Variants in SLC38A11 observed in about 807,000 individuals in gnomAD.
SLC38A11 encodes putative sodium-coupled neutral amino acid transporter 11.
A neutral mutation model predicts 49.4 loss-of-function variants in SLC38A11; 51 were observed. That is an observed-to-expected ratio of 1.03 (90% CI 0.83 to 1.30). SLC38A11 has a LOEUF of 1.30. Ranked by LOEUF, SLC38A11 falls within the 50% of genes most tolerant of loss-of-function variation. The pLI is 0.00. For synonymous variants in SLC38A11, 203 were observed against 192.9 expected (o/e 1.05, Z -0.43); for missense variants, 574 against 556.2 (o/e 1.03, Z -0.32).
intron 2 of SLC38A11, among the ~76,000 whole-genome samples, chr2:164,953,618 C>A (rs1688664191): frequency 6.6e-6 from 1 of 151,746 alleles, no homozygotes; most frequent in Non-Finnish European, 1.5e-5. Flanking sequence ...TCAGGTAACT[C>A]CATTTTATGT....
intron 4 of SLC38A11, among the ~76,000 whole-genome samples, 175 bp from the exon 5 acceptor site, chr2:164,944,809 G>A (rs1013587328): frequency 6.6e-6 from 1 of 152,046 alleles, no homozygotes; most frequent in Non-Finnish European, 1.5e-5. Flanking sequence ...GAGATCTATG[G>A]TAGAGTATCA....
At position 164,950,622 on chromosome 2, in the gene SLC38A11, A is replaced by C. The variant is rs10176326; in HGVS notation, c.229+2085T>G. On this transcript the variant is annotated intron_variant, in intron 3 of 11. Coordinates refer to ENST00000685975, the MANE Select transcript of SLC38A11 (RefSeq NM_001351537.2). ...TTAACAAAAGAATTTTCTTTTAAATAATTTTGTATGCTCAGACAATAAAAA... is the reference window on the plus strand; with the variant it reads ...TTAACAAAAGAATTTTCTTTTAAATCATTTTGTATGCTCAGACAATAAAAA... Among the ~76,000 whole-genome samples, 589 of 152,308 alleles carry C rather than the reference A, an allele frequency of 3.9e-3. 3 individuals are homozygous for C. The highest frequency in any genetic ancestry group is 0.013 in the African/African-American group (543 of 41,580).
intron 10 of SLC38A11, among the ~76,000 whole-genome samples, chr2:164,909,541 G>A (rs542259960): frequency 3.3e-5 from 5 of 150,960 alleles, no homozygotes; most frequent in East Asian, 1.9e-4. Flanking sequence ...ATCTAGAGCC[G>A]TCTCCTTACA....
intron 7 of SLC38A11, among the ~76,000 whole-genome samples, chr2:164,925,410 G>A (rs1225806439): frequency 6.6e-6 from 1 of 152,162 alleles, no homozygotes; most frequent in Non-Finnish European, 1.5e-5. Context: ...AACTTCAGAT[G>A]TGATGTCCAG....
intron 7 of SLC38A11, among the ~76,000 whole-genome samples, chr2:164,928,701 A>G (rs1686768918): frequency 6.6e-6 from 1 of 151,492 alleles, no homozygotes; most frequent in African/African-American, 2.4e-5. Context: ...AGGAAATTTA[A>G]CCAACCAGAA....
At position 164,937,444 on chromosome 2, in the gene SLC38A11, A is replaced by T. The variant is rs148535235; in HGVS notation, c.538-15T>A. 23 of 1,502,012 alleles carry T rather than the reference A, an allele frequency of 1.5e-5. No homozygotes were observed. The highest frequency in any genetic ancestry group is 4.1e-5 in the African/African-American group (3 of 72,638). 93.0% of individuals were successfully genotyped at this position (1,502,012 alleles called of 1,614,324 possible). On this transcript the variant is annotated splice_polypyrimidine_tract_variant and intron_variant, in intron 6 of 11. Transcript: ENST00000685975. ...ATGAGGGAGACCTGTAAAAGAAAATACAAGGATATTGCCGGTTTAGGACAG... is the reference window on the plus strand; with the variant it reads ...ATGAGGGAGACCTGTAAAAGAAAATTCAAGGATATTGCCGGTTTAGGACAG...
chr2:164,936,641 A>C (rs146281950), intron 7 of SLC38A11, among the ~76,000 whole-genome samples: 1 of 152,292 alleles, frequency 6.6e-6, no homozygotes, highest in East Asian at 1.9e-4. Context: ...GTTTAAAGCC[A>C]ATCTAACCTG....
intron 9 of SLC38A11, among the ~76,000 whole-genome samples, chr2:164,913,101 C>T (rs961051125): frequency 6.6e-6 from 1 of 151,658 alleles, no homozygotes; most frequent in Non-Finnish European, 1.5e-5. Flanking sequence ...CTGTTTTTTT[C>T]ATTACAAAGC....
Position 164,937,361 on chromosome 2 carries a change from C to G in SLC38A11, c.606G>C (p.Leu202=). 1.2e-6 allele frequency: 2 copies of G among 1,607,772 alleles called. No homozygotes were observed. The highest frequency in any genetic ancestry group is 1.7e-6 in the Non-Finnish European group (2 of 1,174,742). Residue 202 remains leucine (L), a synonymous_variant, in exon 7 of 12, where the codon CTG becomes CTC. Transcript: ENST00000685975. ...LGIVMARAIS[L]GPHIPKTEDA... ...ACAACATAACTTACATGTGTGGACC[C>G]AGTGAAATTGCCCTTGCCATTACAA...
At chr2:164,917,306 C>CA (rs1685863460) in intron 7 of SLC38A11, among the ~76,000 whole-genome samples, 1 of 152,100 alleles carries the variant, frequency 6.6e-6, no homozygotes, top group African/African-American at 2.4e-5. Flanking sequence ...AAGGTACATA[C>CA]AAAAAAATCT....
intron 11 of SLC38A11, among the ~76,000 whole-genome samples, chr2:164,901,886 A>G (rs1186303739): frequency 6.6e-6 from 1 of 152,106 alleles, no homozygotes; most frequent in African/African-American, 2.4e-5. Flanking sequence ...TGTTAGCTGT[A>G]GGTTTTTCAT....
Position 164,927,255 on chromosome 2 carries a change from G to A in SLC38A11, c.617+10095C>T, listed in dbSNP as rs80076672. Among the ~76,000 whole-genome samples, 1,513 of 152,230 alleles carry A rather than the reference G, an allele frequency of 9.9e-3. 31 individuals carry two copies. The highest frequency in any genetic ancestry group is 0.035 in the African/African-American group (1,439 of 41,546). ...CCTCTCCAGACACTTTCAAATGCTA[G>A]TGCCTTGATCTTGGACTTCCCAGCC... On this transcript the variant is annotated intron_variant, in intron 7 of 11. Transcript: ENST00000685975.
At chr2:164,954,839 GTAA>G (rs1435856310) in intron 1 of SLC38A11, 94 bp from the exon 2 acceptor site, 3 of 555,852 alleles carry the variant, frequency 5.4e-6, no homozygotes, top group Admixed American at 3.4e-5. Flanking sequence ...CGATTTTCTA[GTAA>G]TAATAAGTAA....
chr2:164,951,337 G>A (rs755717316), intron 3 of SLC38A11, among the ~76,000 whole-genome samples: 33 of 152,096 alleles, frequency 2.2e-4, no homozygotes, highest in Non-Finnish European at 3.7e-4. Context: ...ATTTAAGAAT[G>A]ACAGGGACAA....
At position 164,945,640 on chromosome 2, in the gene SLC38A11, G is replaced by T; in HGVS notation, c.317C>A (p.Pro106Gln). Residue 106 changes from proline (P) to glutamine (Q), a missense_variant, in exon 4 of 12, where the codon CCA becomes CAA. Physicochemically the swap from Pro to Gln is moderately conservative, Grantham distance 76. Coordinates refer to ENST00000685975, the MANE Select transcript of SLC38A11 (RefSeq NM_001351537.2). ...QSLVNKTFGF[P>Q]GYLLLSVLQF... Reference sequence around the variant, plus strand: ...AAGAACAGAGAGGAGCAGATACCCTGGAAAGCCGAAAGTTTTATTGACCAA... The same window carrying T: ...AAGAACAGAGAGGAGCAGATACCCTTGAAAGCCGAAAGTTTTATTGACCAA... 2 of 1,611,620 alleles carry T rather than the reference G, an allele frequency of 1.2e-6. No individual in the cohort carries two copies. The highest frequency in any genetic ancestry group is 1.7e-6 in the Non-Finnish European group (2 of 1,179,510).
chr2:164,939,483 T>C lies in SLC38A11; in HGVS notation c.504A>G (p.Leu168=), dbSNP rs1174702483. ...GCTTTGCTATATTTCGGTACAAGGA[T>C]AAAGGCAGAGTAAAGGTAACTGTGG... ...GLSTVTFTLP[L]SLYRNIAKLG... The change falls in exon 6 of 12, where the codon TTA becomes TTG. Residue 168 remains leucine, a synonymous_variant. Transcript: ENST00000685975. 7 of 1,610,348 alleles carry C rather than the reference T, an allele frequency of 4.3e-6. No individual in the cohort carries two copies. Among genetic ancestry groups the C allele is most frequent in the Non-Finnish European group, 5.9e-6 (7 of 1,177,846 alleles).
chr2:164,948,363 T>C lies in SLC38A11; in HGVS notation c.230-2636A>G, dbSNP rs1230602720. Among the ~76,000 whole-genome samples the C allele has an allele frequency of 4.6e-5, 7 of 152,332 alleles. No individual in the cohort carries two copies. The East Asian group carries it at 1.3e-3, about 29-fold the overall frequency. On this transcript the variant is annotated intron_variant, in intron 3 of 11. Coordinates refer to ENST00000685975, the MANE Select transcript of SLC38A11 (RefSeq NM_001351537.2). ...CAATGCTTTTCTGTGTGGTAGGTCTTTTTCCAAATACTTTACAAATACTAA... is the reference window on the plus strand; with the variant it reads ...CAATGCTTTTCTGTGTGGTAGGTCTCTTTCCAAATACTTTACAAATACTAA...
At chr2:164,940,848 A>G (rs960521389) in intron 5 of SLC38A11, among the ~76,000 whole-genome samples, 1 of 151,962 alleles carries the variant, frequency 6.6e-6, no homozygotes, top group African/African-American at 2.4e-5. Flanking sequence ...AGCCATAACT[A>G]AATAGTCATT....
intron 7 of SLC38A11, among the ~76,000 whole-genome samples, chr2:164,926,672 A>G (rs1202278428): frequency 2.0e-5 from 3 of 152,184 alleles, no homozygotes; most frequent in African/African-American, 7.2e-5. Context: ...ACCATGAAAT[A>G]CTATGCAGCC....
Sources: gnomAD v4.1 joint callset for allele counts (sites outside exome capture counted in the v4.1 genomes callset) on GRCh38, gnomAD v4.1.1 for gene constraint, MANE v1.5 for transcripts, NCBI Gene and HGNC (gene_info 2026-07-23, HGNC 2026-07-21) for gene names.